SNCAIP: variants seen among roughly 807,000 people sequenced by gnomAD.
SNCAIP encodes the protein synuclein alpha interacting protein, also known as synphilin-1.
A neutral mutation model predicts 86.7 loss-of-function variants in SNCAIP; 43 were observed. That is an observed-to-expected ratio of 0.50 (90% CI 0.39 to 0.64). The LOEUF (loss-of-function observed/expected upper bound fraction) is 0.64. Ranked by LOEUF, SNCAIP falls within the 30% of genes least tolerant of loss-of-function variation. The pLI, the probability that SNCAIP is intolerant of heterozygous loss-of-function variation, is 0.00. For missense variants in SNCAIP, 981 were observed against 1,103.1 expected (o/e 0.89, Z 1.57); for synonymous variants, 417 against 427.2 (o/e 0.98, Z 0.29).
intron 1 of SNCAIP, among the ~76,000 whole-genome samples, chr5:122,361,211 G>T (rs999814832): frequency 1.4e-5 from 2 of 147,480 alleles, no homozygotes; most frequent in Non-Finnish European, 3.0e-5. Context: ...GGCTTTATCA[G>T]CTTACCCAAA....
intron 3 of SNCAIP, among the ~76,000 whole-genome samples, chr5:122,420,710 T>C (rs1443010940): frequency 1.3e-5 from 2 of 152,190 alleles, no homozygotes; most frequent in African/African-American, 4.8e-5. Flanking sequence ...CCATGTGTTC[T>C]TGAGGAGAGA....
intron 1 of SNCAIP, among the ~76,000 whole-genome samples, chr5:122,317,561 G>T (rs1045025732): frequency 2.4e-4 from 37 of 152,276 alleles, no homozygotes; most frequent in Admixed American, 2.3e-3. Flanking sequence ...TTTGGAAGGG[G>T]AGAGTGGTAT....
chr5:122,376,442 A>G (rs1765346855), intron 1 of SNCAIP, among the ~76,000 whole-genome samples: 1 of 152,186 alleles, frequency 6.6e-6, no homozygotes, highest in Middle Eastern at 3.2e-3. Flanking sequence ...CAGTTCCCAG[A>G]TTATTCCATA....
intron 1 of SNCAIP, among the ~76,000 whole-genome samples, chr5:122,361,280 C>T (rs1762158968): frequency 6.6e-6 from 1 of 151,976 alleles, no homozygotes; most frequent in African/African-American, 2.4e-5. Context: ...TGTCACACCT[C>T]CATCTTTGCT....
At chr5:122,348,959 T>G (rs2152739258) in intron 1 of SNCAIP, among the ~76,000 whole-genome samples, 1 of 152,302 alleles carries the variant, frequency 6.6e-6, no homozygotes, top group South Asian at 2.1e-4. Context: ...TAAACTTTGT[T>G]CCTTGTGATA....
intron 1 of SNCAIP, among the ~76,000 whole-genome samples, chr5:122,372,726 C>T (rs756918701): frequency 7.2e-5 from 11 of 152,084 alleles, no homozygotes; most frequent in Admixed American, 1.3e-4. Flanking sequence ...GTTTCCTTCA[C>T]CAATAGTTTA....
In SNCAIP at chr5:122,368,974, C is replaced by T. The variant is rs191539197; in HGVS notation, c.-46-22115C>T. On this transcript the variant is annotated intron_variant, in intron 1 of 10. Coordinates refer to ENST00000261368, the MANE Select transcript of SNCAIP (RefSeq NM_005460.4). ...AAAAATGCACATATCAGTTTGCTCC[C>T]GGCCAGCGAACTAATCAGTTCCAAG... Among the ~76,000 whole-genome samples, 17 of 152,264 alleles carry T rather than the reference C, an allele frequency of 1.1e-4. No individual in the cohort carries two copies. In the East Asian group the frequency reaches 2.7e-3, roughly 24 times the overall value.
intron 1 of SNCAIP, among the ~76,000 whole-genome samples, chr5:122,366,127 A>G (rs191749307): frequency 3.3e-5 from 5 of 152,340 alleles, no homozygotes; most frequent in East Asian, 1.9e-4. Flanking sequence ...CGTTACTCCA[A>G]TGCTGAAAGA....
intron 3 of SNCAIP, among the ~76,000 whole-genome samples, chr5:122,404,907 G>A (rs1053155133): frequency 2.6e-5 from 4 of 152,166 alleles, no homozygotes; most frequent in African/African-American, 9.7e-5. Flanking sequence ...GTGTGTGTGA[G>A]TGAAAGTAAT....
chr5:122,343,426 C>T (rs1434857195), intron 1 of SNCAIP, among the ~76,000 whole-genome samples: 1 of 151,666 alleles, frequency 6.6e-6, no homozygotes, highest in Non-Finnish European at 1.5e-5. Context: ...CTTATTTTAA[C>T]TATAGGATAT....
chr5:122,343,357 G>C (rs1656858285), intron 1 of SNCAIP, among the ~76,000 whole-genome samples: 1 of 152,132 alleles, frequency 6.6e-6, no homozygotes, highest in South Asian at 2.1e-4. Flanking sequence ...CACATCATTT[G>C]AGTTGGATCT....
At chr5:122,318,375 T>C (rs1271404427) in intron 1 of SNCAIP, among the ~76,000 whole-genome samples, 2 of 152,196 alleles carry the variant, frequency 1.3e-5, no homozygotes, top group African/African-American at 4.8e-5. Flanking sequence ...CATCACACTT[T>C]ATCCTGTGGT....
At chr5:122,353,016 G>A (rs1258314895) in intron 1 of SNCAIP, among the ~76,000 whole-genome samples, 9 of 152,140 alleles carry the variant, frequency 5.9e-5, no homozygotes, top group Non-Finnish European at 1.2e-4. Context: ...ATGACATTGC[G>A]TAGGCTCTAC....
chr5:122,364,292 G>T (rs998946643), intron 1 of SNCAIP, among the ~76,000 whole-genome samples: 1 of 152,184 alleles, frequency 6.6e-6, no homozygotes, highest in Non-Finnish European at 1.5e-5. Flanking sequence ...TTAGGGCTGC[G>T]CTGTCTGTGG....
chr5:122,349,358 A>G (rs1759306289), intron 1 of SNCAIP, among the ~76,000 whole-genome samples: 1 of 152,122 alleles, frequency 6.6e-6, no homozygotes, highest in Non-Finnish European at 1.5e-5. Flanking sequence ...CTGTTGTTTA[A>G]AGCTTCCCAG....
intron 7 of SNCAIP, 72 bp from the exon 8 acceptor site, chr5:122,444,491 A>C (rs945196367): frequency 7.2e-7 from 1 of 1,398,356 alleles, no homozygotes; most frequent in Non-Finnish European, 1.0e-6. Context: ...ACTATTCAAC[A>C]TTCTGTTACA....
At chr5:122,385,719 G>T (rs1049339987) in intron 1 of SNCAIP, among the ~76,000 whole-genome samples, 3 of 151,744 alleles carry the variant, frequency 2.0e-5, no homozygotes, top group Middle Eastern at 3.2e-3. Flanking sequence ...GTGTAGGGGT[G>T]CAGGGAGCGG....
chr5:122,350,518 G>GT (rs34718418), intron 1 of SNCAIP, among the ~76,000 whole-genome samples: 3,254 of 136,182 alleles, frequency 0.024, 50 homozygotes, highest in Non-Finnish European at 0.035. Flanking sequence ...TTTTTTGTTT[G>GT]TTTTTTTTTT....
chr5:122,441,597 G>A (rs2617282), intron 7 of SNCAIP, among the ~76,000 whole-genome samples: 1 of 152,166 alleles, frequency 6.6e-6, no homozygotes, highest in African/African-American at 2.4e-5. Context: ...GTTGAATGCA[G>A]AGCTGCATGA....
Sources: gnomAD v4.1 joint callset for allele counts (sites outside exome capture counted in the v4.1 genomes callset) on GRCh38, gnomAD v4.1.1 for gene constraint, MANE v1.5 for transcripts, NCBI Gene and HGNC (gene_info 2026-07-23, HGNC 2026-07-21) for gene names.